The following PARD3B variants were observed in gnomAD, a reference collection of about 807,000 sequenced individuals.
PARD3B encodes par-3 family cell polarity regulator beta, also known as partitioning defective 3 homolog B.
In PARD3B, 103 loss-of-function variants were observed where a neutral mutation model predicts 130.2. That is an observed-to-expected ratio of 0.79 (90% confidence interval 0.67 to 0.93). The LOEUF is 0.93. Among genes scored for constraint, PARD3B ranks in the 40% least tolerant of loss-of-function variants. PARD3B has a pLI of 0.00. For missense variants in PARD3B, 1,609 were observed against 1,499.2 expected (o/e 1.07, Z -1.21); for synonymous variants, 583 against 553.2 (o/e 1.05, Z -0.76).
At position 205,592,110 on chromosome 2, in the gene PARD3B, C is replaced by T. The variant is rs1048875993; in HGVS notation, c.3261-23346C>T. 6.6e-5 allele frequency among the ~76,000 whole-genome samples: 10 copies of T among 152,198 alleles called. No individual in the cohort carries two copies. The highest frequency in any genetic ancestry group is 1.3e-4 in the Non-Finnish European group (9 of 68,028). ...TATCTTCTCCCAGCAGGCCTAGGAG[C>T]TTGCTTAGTATCATAATTCCCACTT... On this transcript the variant is annotated intron_variant, in intron 22 of 22. Coordinates refer to ENST00000406610, the MANE Select transcript of PARD3B (RefSeq NM_001302769.2). The surrounding 1 kb of genome is among the most constrained non-coding windows in gnomAD (Gnocchi z 4.5).
At chr2:205,043,831 G>A (rs1698553897) in intron 3 of PARD3B, among the ~76,000 whole-genome samples, 1 of 151,504 alleles carries the variant, frequency 6.6e-6, no homozygotes, top group Non-Finnish European at 1.5e-5. Context: ...TATACTTTAA[G>A]TTTTAGGGTA....
chr2:204,719,842 CTT>C lies in PARD3B; in HGVS notation c.222+33562_222+33563del, dbSNP rs372662223. The stretch of plus-strand genomic sequence containing the variant: ...ATAGGAAATAAATAATCATTTGAAA[CTT>C]TGAATACTTAAAAACAACAGGTAAA... On this transcript the variant is annotated intron_variant, in intron 2 of 22. Transcript: ENST00000406610. Among the ~76,000 whole-genome samples the C allele has an allele frequency of 2.6e-4, 39 of 152,162 alleles. No homozygotes were observed. The South Asian group carries it at 8.1e-3, about 32-fold the overall frequency.
In PARD3B at chr2:205,142,803, G is replaced by A. The variant is rs1423062843; in HGVS notation, c.1435-15919G>A. 3.3e-5 allele frequency among the ~76,000 whole-genome samples: 5 copies of A among 151,948 alleles called. No individual in the cohort carries two copies. Among genetic ancestry groups the A allele is most frequent in the Non-Finnish European group, 4.4e-5 (3 of 68,002 alleles). On this transcript the variant is annotated intron_variant, in intron 10 of 22. Coordinates refer to ENST00000406610, the MANE Select transcript of PARD3B (RefSeq NM_001302769.2). The surrounding 1 kb of genome is among the most constrained non-coding windows in gnomAD (Gnocchi z 4.3). ...TGACGCAGGAGAATCGTTTGAACCCGGGAGGCAGAGGTTGCAGTGAGCCGA... is the reference window on the plus strand; with the variant it reads ...TGACGCAGGAGAATCGTTTGAACCCAGGAGGCAGAGGTTGCAGTGAGCCGA...
rs896765311 is a variant in PARD3B, at chr2:205,169,925, C to A, written c.1621-2286C>A. Reference sequence around the variant, plus strand: ...CATTCAGGGTGTTTTTGTTGTTCCCCCCACCCTTTTTTTTTTTTTTTGGAG... The same window carrying A: ...CATTCAGGGTGTTTTTGTTGTTCCCACCACCCTTTTTTTTTTTTTTTGGAG... On this transcript the variant is annotated intron_variant, in intron 11 of 22. Transcript: ENST00000406610. Among the ~76,000 whole-genome samples, 3 of 144,758 alleles carry A rather than the reference C, an allele frequency of 2.1e-5. No homozygotes were observed. The East Asian group carries it at 6.3e-4, about 30-fold the overall frequency. The allele number at this position is 144,758 out of a possible 152,430, so 95.0% of individuals were successfully genotyped here. A position where few individuals can be genotyped will look rare whatever the true frequency, so the allele number is the denominator to read the frequency against.
intron 20 of PARD3B, among the ~76,000 whole-genome samples, chr2:205,453,536 G>C (rs13432688): frequency 0.11 from 16,207 of 152,154 alleles, 1,282 homozygotes; most frequent in African/African-American, 0.23. Flanking sequence ...CTATTTCACC[G>C]ATGAAAAACT....
chr2:204,997,562 G>A (rs377073403), intron 3 of PARD3B, among the ~76,000 whole-genome samples: 56 of 152,164 alleles, frequency 3.7e-4, no homozygotes, highest in African/African-American at 1.3e-3. Flanking sequence ...GAGAAATTCA[G>A]TTGATTTTTT....
chr2:205,544,280 G>C (rs1400189666), intron 21 of PARD3B, among the ~76,000 whole-genome samples: 1 of 150,148 alleles, frequency 6.7e-6, no homozygotes, highest in Non-Finnish European at 1.5e-5. Flanking sequence ...TCAGACCTTT[G>C]TCTTTTTTCA....
At chr2:205,476,116 GT>G (rs2049012951) in intron 20 of PARD3B, among the ~76,000 whole-genome samples, 1 of 152,104 alleles carries the variant, frequency 6.6e-6, no homozygotes, top group Non-Finnish European at 1.5e-5. Context: ...GCAGTTCTTT[GT>G]CTTTGAAAGG....
In PARD3B at chr2:205,558,288, G is replaced by C. The variant is rs980485784; in HGVS notation, c.3260+4885G>C. Among the ~76,000 whole-genome samples, 4 of 152,150 alleles carry C rather than the reference G, an allele frequency of 2.6e-5. No homozygotes were observed. The East Asian group carries it at 7.7e-4, about 29-fold the overall frequency. ...AGGGCGAGTTAACCAGGAAGGTGGA[G>C]CATGATGCTCTAGCTCCCAGGGCAG... is the stretch of plus-strand genomic sequence containing the variant. On this transcript the variant is annotated intron_variant, in intron 22 of 22. Transcript: ENST00000406610. The surrounding 1 kb of genome is among the most constrained non-coding windows in gnomAD (Gnocchi z 4.8).
intron 1 of PARD3B, among the ~76,000 whole-genome samples, chr2:204,581,947 T>A (rs2032578959): frequency 6.6e-6 from 1 of 152,160 alleles, no homozygotes; most frequent in African/African-American, 2.4e-5. Context: ...TTCCCCAATT[T>A]GTAAGTGGGT....
chr2:205,491,031 A>G (rs1182548017), intron 20 of PARD3B, among the ~76,000 whole-genome samples: 1 of 152,182 alleles, frequency 6.6e-6, no homozygotes, highest in Admixed American at 6.5e-5. Context: ...AGTAGATTGC[A>G]AAAATTTCCT....
chr2:204,666,626 C>T (rs928515155), intron 1 of PARD3B, among the ~76,000 whole-genome samples: 5 of 151,694 alleles, frequency 3.3e-5, no homozygotes, highest in Admixed American at 6.6e-5. Context: ...TAGAATTTGT[C>T]GATGGATATC....
In PARD3B at chr2:205,399,850, G is replaced by A. The variant is rs574460880; in HGVS notation, c.2631-1163G>A. Reference sequence around the variant, plus strand: ...GGGAATTGTATTATATTTTCATTGTGTTCCAGAGCTGACTCAGGAAGCTGG... The same window carrying A: ...GGGAATTGTATTATATTTTCATTGTATTCCAGAGCTGACTCAGGAAGCTGG... On this transcript the variant is annotated intron_variant, in intron 18 of 22. Transcript: ENST00000406610. 5.9e-5 allele frequency among the ~76,000 whole-genome samples: 9 copies of A among 152,230 alleles called. No individual in the cohort carries two copies. In the South Asian group the frequency reaches 1.7e-3, roughly 28 times the overall value.
chr2:204,971,016 T>G (rs1020656512), intron 3 of PARD3B, among the ~76,000 whole-genome samples: 2 of 152,246 alleles, frequency 1.3e-5, no homozygotes, highest in African/African-American at 4.8e-5. Context: ...TATCATTATT[T>G]TCAAAACACT....
In PARD3B at chr2:205,563,183, G is replaced by T. The variant is rs976678571; in HGVS notation, c.3260+9780G>T. Among the ~76,000 whole-genome samples, 1 of 152,132 alleles carries T rather than the reference G, an allele frequency of 6.6e-6. No individual in the cohort carries two copies. Among genetic ancestry groups the T allele is most frequent in the Non-Finnish European group, 1.5e-5 (1 of 68,030 alleles). ...ATATACCAAGATCTGCATGCAAATT[G>T]TTTCAAAGATGTCATGTTTATTCCT... On this transcript the variant is annotated intron_variant, in intron 22 of 22. Coordinates refer to ENST00000406610, the MANE Select transcript of PARD3B (RefSeq NM_001302769.2). The surrounding 1 kb of genome is among the most constrained non-coding windows in gnomAD (Gnocchi z 4.2).
intron 18 of PARD3B, among the ~76,000 whole-genome samples, chr2:205,370,679 C>T (rs1173444741): frequency 1.3e-5 from 2 of 152,308 alleles, no homozygotes; most frequent in South Asian, 4.2e-4. Context: ...AGAGGGGAAC[C>T]TATATCTTGA....
chr2:204,757,286 G>A (rs1038400556), intron 2 of PARD3B, among the ~76,000 whole-genome samples: 1 of 152,110 alleles, frequency 6.6e-6, no homozygotes, highest in Non-Finnish European at 1.5e-5. Flanking sequence ...CCAGTAATGG[G>A]GTTTCTGGGT....
intron 5 of PARD3B, among the ~76,000 whole-genome samples, chr2:205,106,564 G>A (rs1399983616): frequency 6.6e-6 from 1 of 150,474 alleles, no homozygotes; most frequent in Non-Finnish European, 1.5e-5. Context: ...TTTCACATGA[G>A]TTTTCTTATC....
intron 2 of PARD3B, among the ~76,000 whole-genome samples, chr2:204,859,453 C>T (rs114737783): frequency 0.017 from 2,662 of 152,188 alleles, 86 homozygotes; most frequent in African/African-American, 0.06. Flanking sequence ...CACCCTCCCC[C>T]ATTTATAAAG....
Sources: allele counts gnomAD v4.1 joint callset (sites outside exome capture counted in the v4.1 genomes callset), GRCh38; gene constraint gnomAD v4.1.1; non-coding constraint Gnocchi (gnomAD v3.1); transcripts MANE v1.5; gene names NCBI Gene and HGNC (gene_info 2026-07-23, HGNC 2026-07-21).